CLTCL1: variants seen among roughly 807,000 people sequenced by gnomAD.
The protein encoded by CLTCL1 is clathrin heavy chain 2.
CLTCL1 carries 159 observed loss-of-function variants against 190.0 expected under a neutral mutation model. That is an observed-to-expected ratio of 0.84 (90% CI 0.74 to 0.95). The LOEUF is 0.95. Among genes scored for constraint, CLTCL1 ranks in the 40% least tolerant of loss-of-function variants. The pLI, the probability that CLTCL1 is intolerant of heterozygous loss-of-function variation, is 0.00. For missense variants in CLTCL1, 1,878 were observed against 2,033.4 expected, an observed-to-expected ratio of 0.92 and a Z score of 1.47; for synonymous variants, 752 against 769.6, an observed-to-expected ratio of 0.98 and a Z score of 0.38.
intron 19 of CLTCL1, among the ~76,000 whole-genome samples, chr22:19,213,744 CG>C (rs150651799): frequency 0.072 from 10,896 of 151,594 alleles, 475 homozygotes; most frequent in Middle Eastern, 0.16. Context: ...ACTAGTGTGG[CG>C]GGGTGGTAGC....
intron 3 of CLTCL1, among the ~76,000 whole-genome samples, chr22:19,253,032 A>G (rs373511902): frequency 3.8e-4 from 58 of 150,696 alleles, no homozygotes; most frequent in Non-Finnish European, 7.7e-4. Flanking sequence ...AAAAAAAAAA[A>G]GGGAGGACAA....
chr22:19,208,968 G>A lies in CLTCL1; in HGVS notation c.3396C>T (p.Asp1132=), dbSNP rs782233912. 1.1e-5 allele frequency: 17 copies of A among 1,611,416 alleles called. No individual in the cohort carries two copies. Among genetic ancestry groups the A allele is most frequent in the African/African-American group, 6.7e-5 (5 of 74,848 alleles). Residue 1132 remains aspartate (D), a synonymous_variant, in exon 21 of 33, where the codon GAC becomes GAT. Coordinates refer to ENST00000427926, the MANE Select transcript of CLTCL1 (RefSeq NM_007098.4). ...CAACTTCCAGGTAAGAGGAAGGGTC[G>A]TCCCCTCTGATATAGGAGTTGATGG... ...KEAINSYIRG[D]DPSSYLEVVQ...
chr22:19,222,616 T>C (rs1342847749), intron 15 of CLTCL1, 68 bp downstream of exon 15: 1 of 1,539,996 alleles, frequency 6.5e-7, no homozygotes, highest in Non-Finnish European at 8.8e-7. Flanking sequence ...AGGCAGCCTC[T>C]GAGGGGAAGA....
intron 18 of CLTCL1, among the ~76,000 whole-genome samples, chr22:19,217,534 G>T (rs807473): frequency 0.062 from 9,250 of 148,174 alleles, 333 homozygotes; most frequent in Middle Eastern, 0.16. Flanking sequence ...AAGAATGGCG[G>T]GAACCCGGAA....
chr22:19,246,894 A>G (rs2086436851), intron 3 of CLTCL1, among the ~76,000 whole-genome samples: 1 of 152,094 alleles, frequency 6.6e-6, no homozygotes, highest in Non-Finnish European at 1.5e-5. Flanking sequence ...GTATATCTGG[A>G]TACTAGACCC....
At chr22:19,275,278 C>T (rs537669391) in intron 2 of CLTCL1, among the ~76,000 whole-genome samples, 5 of 152,144 alleles carry the variant, frequency 3.3e-5, no homozygotes, top group South Asian at 2.1e-4. Flanking sequence ...GTCGGATGAC[C>T]GGAAGCACCA....
chr22:19,216,501 GA>G (rs1175439851), intron 18 of CLTCL1, among the ~76,000 whole-genome samples: 7 of 152,204 alleles, frequency 4.6e-5, no homozygotes, highest in African/African-American at 1.7e-4. Flanking sequence ...CAGCTCCAAT[GA>G]CCAGTGCACC....
chr22:19,222,957 G>A (rs577870900), intron 14 of CLTCL1, 148 bp from the exon 15 acceptor site: 43 of 918,430 alleles, frequency 4.7e-5, no homozygotes, highest in South Asian at 4.5e-4. Context: ...ATAGGCTGTC[G>A]TTTTGTGGTA....
intron 26 of CLTCL1, among the ~76,000 whole-genome samples, chr22:19,194,080 T>C (rs906391125): frequency 6.6e-6 from 1 of 152,206 alleles, no homozygotes; most frequent in Non-Finnish European, 1.5e-5. Flanking sequence ...AGAGTGCTGA[T>C]TGGCCCATTT....
At chr22:19,183,928 G>A (rs1173478821) in intron 29 of CLTCL1, 1 of 417,080 alleles carries the variant, frequency 2.4e-6, no homozygotes, top group Non-Finnish European at 4.5e-6. Context: ...GAGTTTGGGG[G>A]TTGTGGGGCT....
At chr22:19,249,345 C>CCT (rs1299225214) in intron 3 of CLTCL1, among the ~76,000 whole-genome samples, 1 of 151,736 alleles carries the variant, frequency 6.6e-6, no homozygotes, top group Non-Finnish European at 1.5e-5. Context: ...AGCGACAGAG[C>CCT]AAGACCCTGT....
intron 2 of CLTCL1, among the ~76,000 whole-genome samples, chr22:19,272,059 T>G (rs1555980948): frequency 6.6e-6 from 1 of 152,142 alleles, no homozygotes; most frequent in Non-Finnish European, 1.5e-5. Flanking sequence ...CAGTGAGCCA[T>G]GATCACATCA....
At position 19,188,118 on chromosome 22, in the gene CLTCL1, C is replaced by T. The variant is rs1330205558; in HGVS notation, c.4324-27G>A. Reference sequence around the variant, plus strand: ...TGACAAGTTGAGGGAACCGTCAAGGCACTTGGCCAAGCTTGTTATGGGGAC... The same window carrying T: ...TGACAAGTTGAGGGAACCGTCAAGGTACTTGGCCAAGCTTGTTATGGGGAC... On this transcript the variant is annotated intron_variant, in intron 27 of 32. Transcript: ENST00000427926. 34 of 1,608,376 alleles carry T rather than the reference C, an allele frequency of 2.1e-5. 1 individual carries two copies. Among genetic ancestry groups the T allele is most frequent in the Non-Finnish European group, 2.8e-5 (33 of 1,174,900 alleles).
chr22:19,180,845 G>C, intron 30 of CLTCL1, 39 bp from the exon 31 acceptor site: 1 of 1,588,692 alleles, frequency 6.3e-7, no homozygotes. Flanking sequence ...CCGCTTGACA[G>C]AGTGCAGTCC....
chr22:19,216,272 A>T lies in CLTCL1; in HGVS notation c.2920-16T>A. Reference sequence around the variant, plus strand: ...TCTGTACCACCTGGTTTTAAAAAGCATTTGAAAGAACTTGATTAAAGTCAA... The same window carrying T: ...TCTGTACCACCTGGTTTTAAAAAGCTTTTGAAAGAACTTGATTAAAGTCAA... On this transcript the variant is annotated splice_polypyrimidine_tract_variant and intron_variant, in intron 18 of 32. Coordinates refer to ENST00000427926, the MANE Select transcript of CLTCL1 (RefSeq NM_007098.4). The T allele has an allele frequency of 1.9e-6, 3 of 1,612,630 alleles. No homozygotes were observed. The highest frequency in any genetic ancestry group is 1.7e-6 in the Non-Finnish European group (2 of 1,179,146).
intron 5 of CLTCL1, among the ~76,000 whole-genome samples, chr22:19,237,536 A>G (rs547551255): frequency 1.4e-4 from 21 of 152,202 alleles, no homozygotes; most frequent in Non-Finnish European, 3.1e-4. Flanking sequence ...CTGACCCAGC[A>G]GTTTAATTTC....
chr22:19,256,361 T>C (rs2800992), intron 2 of CLTCL1, among the ~76,000 whole-genome samples: 5 of 140,076 alleles, frequency 3.6e-5, no homozygotes, highest in Admixed American at 1.4e-4. Flanking sequence ...TATCTTTTTT[T>C]TTTTTTTTTT....
intron 2 of CLTCL1, among the ~76,000 whole-genome samples, chr22:19,259,219 C>A (rs1394102788): frequency 6.6e-6 from 1 of 152,118 alleles, no homozygotes; most frequent in Non-Finnish European, 1.5e-5. Context: ...GATTCTCCTG[C>A]CTCAGCCTCT....
intron 9 of CLTCL1, among the ~76,000 whole-genome samples, 175 bp downstream of exon 9, chr22:19,232,991 T>C (rs2085962149): frequency 6.6e-6 from 1 of 152,060 alleles, no homozygotes; most frequent in African/African-American, 2.4e-5. Flanking sequence ...CTAAGGATAA[T>C]AAAAAGCTGA....
Sources: allele counts gnomAD v4.1 joint callset (sites outside exome capture counted in the v4.1 genomes callset), GRCh38; gene constraint gnomAD v4.1.1; transcripts MANE v1.5; gene names NCBI Gene and HGNC (gene_info 2026-07-23, HGNC 2026-07-21).